The following TMEM131 variants were observed in gnomAD, a reference collection of about 807,000 sequenced individuals.
TMEM131 encodes transmembrane protein 131.
TMEM131 carries 66 observed loss-of-function variants against 211.6 expected under a neutral mutation model. The observed-to-expected ratio is 0.31, with a 90% CI of 0.26 to 0.38. TMEM131 has a LOEUF of 0.38. TMEM131 is among the 10% of genes least tolerant of loss of function. The pLI, the probability that TMEM131 is intolerant of heterozygous loss-of-function variation, is 1.00. For synonymous variants in TMEM131, 844 were observed against 841.3 expected, an observed-to-expected ratio of 1.00 and a Z score of -0.06; for missense variants, 2,036 against 2,299.3, an observed-to-expected ratio of 0.89 and a Z score of 2.34.
intron 19 of TMEM131, among the ~76,000 whole-genome samples, chr2:97,805,995 G>A (rs1450528453): frequency 2.0e-5 from 3 of 152,160 alleles, no homozygotes; most frequent in African/African-American, 7.2e-5. Flanking sequence ...TACTGAGGAT[G>A]CCAACAAAGG....
At chr2:97,822,276 C>T (rs1200445986) in intron 11 of TMEM131, among the ~76,000 whole-genome samples, 4 of 152,156 alleles carry the variant, frequency 2.6e-5, no homozygotes, top group Admixed American at 6.5e-5. Context: ...AGGGGGACTA[C>T]CTGGAATTTT....
At chr2:97,837,377 T>A (rs1038807102) in intron 7 of TMEM131, among the ~76,000 whole-genome samples, 1 of 152,358 alleles carries the variant, frequency 6.6e-6, no homozygotes, top group East Asian at 1.9e-4. Context: ...AAATTTAACT[T>A]AGAAACAGTG....
chr2:97,766,288 T>A (rs746431427), intron 34 of TMEM131, 25 bp from the exon 35 acceptor site: 3 of 1,613,302 alleles, frequency 1.9e-6, no homozygotes, highest in African/African-American at 2.7e-5. Context: ...GAAAAGAACA[T>A]GGTTAATGGA....
intron 4 of TMEM131, 73 bp downstream of exon 4, chr2:97,887,979 A>T: frequency 8.2e-7 from 1 of 1,225,950 alleles, no homozygotes. Context: ...CACAGGCAAA[A>T]GACAAGACAA....
intron 4 of TMEM131, among the ~76,000 whole-genome samples, chr2:97,863,917 A>C (rs6543186): frequency 1 from 151,717 of 152,304 alleles, 75,593 homozygotes; most frequent in Middle Eastern, 1. Flanking sequence ...GTAGCGTTTT[A>C]TGTACTCCCA....
chr2:97,966,340 C>T (rs1679058062), intron 1 of TMEM131, among the ~76,000 whole-genome samples: 1 of 152,078 alleles, frequency 6.6e-6, no homozygotes, highest in Non-Finnish European at 1.5e-5. Context: ...TTACCTAATA[C>T]ATTACTTTAA....
intron 2 of TMEM131, among the ~76,000 whole-genome samples, chr2:97,922,087 G>A (rs991412396): frequency 2.0e-5 from 3 of 152,140 alleles, no homozygotes; most frequent in Non-Finnish European, 2.9e-5. Context: ...GGGGGTTAGC[G>A]GGATGGTTTC....
chr2:97,908,444 C>G (rs765553168), intron 3 of TMEM131, among the ~76,000 whole-genome samples: 36 of 152,146 alleles, frequency 2.4e-4, no homozygotes, highest in Admixed American at 1.3e-3. Flanking sequence ...CCTTCGTACA[C>G]GACAGGGGAG....
chr2:97,913,500 C>T (rs988871876), intron 2 of TMEM131, among the ~76,000 whole-genome samples: 8 of 152,184 alleles, frequency 5.3e-5, no homozygotes, highest in African/African-American at 1.9e-4. Context: ...AGTTAGAATT[C>T]AAATCCTTCG....
At chr2:97,848,061 T>C (rs1683530831) in intron 5 of TMEM131, among the ~76,000 whole-genome samples, 1 of 152,202 alleles carries the variant, frequency 6.6e-6, no homozygotes, top group African/African-American at 2.4e-5. Flanking sequence ...GCCACAGTTA[T>C]CAAAACAGTA....
At chr2:97,892,820 G>A (rs1168355071) in intron 3 of TMEM131, among the ~76,000 whole-genome samples, 1 of 152,132 alleles carries the variant, frequency 6.6e-6, no homozygotes, top group African/African-American at 2.4e-5. Context: ...TAATTGTGGC[G>A]ATGGTGTGAG....
chr2:97,891,131 T>C (rs1412679843), intron 3 of TMEM131, among the ~76,000 whole-genome samples: 1 of 152,218 alleles, frequency 6.6e-6, no homozygotes. Context: ...ATGGCACTGT[T>C]TAGTGCTTTA....
chr2:97,774,724 G>A (rs778044764), intron 32 of TMEM131, among the ~76,000 whole-genome samples: 3 of 152,176 alleles, frequency 2.0e-5, no homozygotes, highest in African/African-American at 4.8e-5. Context: ...GGAGAAAGTC[G>A]TGCAGAAAAT....
intron 28 of TMEM131, among the ~76,000 whole-genome samples, chr2:97,796,002 G>C (rs1451666614): frequency 6.6e-6 from 1 of 151,772 alleles, no homozygotes; most frequent in Non-Finnish European, 1.5e-5. Context: ...TTTGAAAACT[G>C]AGATATGAAG....
In TMEM131 at chr2:97,843,066, T is replaced by TAA. The variant is rs750074318; in HGVS notation, c.600+1077_600+1078dup. 5.0e-3 allele frequency among the ~76,000 whole-genome samples: 678 copies of TAA among 134,504 alleles called. 5 individuals are homozygous for TAA. Among genetic ancestry groups the TAA allele is most frequent in the African/African-American group, 0.013 (479 of 35,638 alleles). 88.2% of individuals were successfully genotyped at this position (134,504 alleles called of 152,430 possible). On this transcript the variant is annotated intron_variant, in intron 6 of 40. Coordinates refer to ENST00000186436, the MANE Select transcript of TMEM131 (RefSeq NM_015348.2). The stretch of plus-strand genomic sequence containing the variant: ...TAATGGGTACTGGGGAGGAAATGTT[T>TAA]AAAAAAAAAAAAAAAAGCACAGGAA...
In TMEM131 at chr2:97,934,264, C is replaced by T. The variant is rs959522909; in HGVS notation, c.188-6777G>A. Reference sequence around the variant, plus strand: ...ATCAACATTAAAATGCCATTTACAACGCCATTTACGACTCCAAATAAAATG... The same window carrying T: ...ATCAACATTAAAATGCCATTTACAATGCCATTTACGACTCCAAATAAAATG... On this transcript the variant is annotated intron_variant, in intron 1 of 40. Transcript: ENST00000186436. 4.6e-5 allele frequency among the ~76,000 whole-genome samples: 7 copies of T among 152,090 alleles called. No individual in the cohort carries two copies. The South Asian group carries it at 1.0e-3, about 22-fold the overall frequency.
At chr2:97,792,258 A>T in intron 31 of TMEM131, 128 bp downstream of exon 31, 1 of 694,308 alleles carries the variant, frequency 1.4e-6, no homozygotes, top group Non-Finnish European at 2.3e-6. Context: ...CCAACACTGG[A>T]GATAAATCTG....
chr2:97,955,783 G>A lies in TMEM131; in HGVS notation c.188-28296C>T, dbSNP rs1015740742. ...AAAGTGAAATACTTGCAATCACTCC[G>A]GAAAGTGAAAGCTATGTACAGGATC... On this transcript the variant is annotated intron_variant, in intron 1 of 40. Coordinates refer to ENST00000186436, the MANE Select transcript of TMEM131 (RefSeq NM_015348.2). Among the ~76,000 whole-genome samples the A allele has an allele frequency of 6.6e-5, 10 of 151,958 alleles. No homozygotes were observed. The South Asian group carries it at 1.0e-3, about 16-fold the overall frequency.
At chr2:97,937,912 A>G (rs925196714) in intron 1 of TMEM131, among the ~76,000 whole-genome samples, 2 of 152,242 alleles carry the variant, frequency 1.3e-5, no homozygotes, top group African/African-American at 4.8e-5. Flanking sequence ...CCAGAATTTC[A>G]TATCCACCCA....
Sources: gnomAD v4.1 joint callset for allele counts (sites outside exome capture counted in the v4.1 genomes callset) on GRCh38, gnomAD v4.1.1 for gene constraint, MANE v1.5 for transcripts, NCBI Gene and HGNC (gene_info 2026-07-23, HGNC 2026-07-21) for gene names.